HHAT: variants seen among roughly 807,000 people sequenced by gnomAD.
HHAT encodes the protein hedgehog acyltransferase, also known as protein-cysteine N-palmitoyltransferase HHAT.
A neutral mutation model predicts 70.8 loss-of-function variants in HHAT; 47 were observed. That is an observed-to-expected ratio of 0.66 (90% CI 0.53 to 0.85). The LOEUF (loss-of-function observed/expected upper bound fraction) is 0.85. Among genes scored for constraint, HHAT ranks in the 40% least tolerant of loss-of-function variants. The probability of loss-of-function intolerance (pLI) is 0.00; values close to 1 mark genes in which losing one functional copy is unlikely to be tolerated. For synonymous variants in HHAT, 228 were observed against 247.6 expected (o/e 0.92, Z 0.74); for missense variants, 609 against 604.8 (o/e 1.01, Z -0.07).
At chr1:210,370,404 A>T (rs1366811663) in intron 3 of HHAT, among the ~76,000 whole-genome samples, 1 of 151,494 alleles carries the variant, frequency 6.6e-6, no homozygotes, top group Non-Finnish European at 1.5e-5. Flanking sequence ...TGAACTCCTG[A>T]CCTCATGATC....
At chr1:210,542,521 G>A (rs1454468553) in intron 9 of HHAT, among the ~76,000 whole-genome samples, 1 of 151,334 alleles carries the variant, frequency 6.6e-6, no homozygotes, top group Non-Finnish European at 1.5e-5. Flanking sequence ...ATATTGGTTG[G>A]ATGCAGTGGC....
At chr1:210,632,835 T>A (rs1447552055) in intron 11 of HHAT, among the ~76,000 whole-genome samples, 1 of 152,130 alleles carries the variant, frequency 6.6e-6, no homozygotes, top group African/African-American at 2.4e-5. Flanking sequence ...AAGGGGAACT[T>A]TGAATACTGA....
At chr1:210,663,687 A>G (rs1450997162) in intron 11 of HHAT, among the ~76,000 whole-genome samples, 3 of 152,182 alleles carry the variant, frequency 2.0e-5, no homozygotes, top group Admixed American at 2.0e-4. Context: ...CTACAACAGT[A>G]GTTCCCAAAG....
At chr1:210,571,627 C>T (rs899366429) in intron 9 of HHAT, among the ~76,000 whole-genome samples, 1 of 152,158 alleles carries the variant, frequency 6.6e-6, no homozygotes, top group African/African-American at 2.4e-5. Flanking sequence ...CTCTTCGAGC[C>T]GTGAAACTTC....
At position 210,350,905 on chromosome 1, in the gene HHAT, A is replaced by T. The variant is rs2086960336; in HGVS notation, c.91+1839A>T. 2.0e-5 allele frequency among the ~76,000 whole-genome samples: 3 copies of T among 152,084 alleles called. 1 individual carries two copies. The highest frequency in any genetic ancestry group is 1.3e-4 in the Admixed American group (2 of 15,268). ...TGTGGGTTTTTTATGGATGCTTTTT[A>T]TCTAGTTAAGGAAGTTCCCCTCTAT... On this transcript the variant is annotated intron_variant, in intron 2 of 11. Coordinates refer to ENST00000261458, the MANE Select transcript of HHAT (RefSeq NM_018194.6).
intron 4 of HHAT, 95 bp downstream of exon 4, chr1:210,387,676 A>G: frequency 1.2e-6 from 1 of 844,602 alleles, no homozygotes; most frequent in Non-Finnish European, 1.9e-6. Flanking sequence ...CTTGGATATT[A>G]GCACTGGGAG....
chr1:210,619,073 G>C (rs1668316876), intron 10 of HHAT, among the ~76,000 whole-genome samples: 1 of 152,176 alleles, frequency 6.6e-6, no homozygotes, highest in Admixed American at 6.5e-5. Context: ...AGGAATTGGA[G>C]GTCTGCCCTA....
Position 210,592,118 on chromosome 1 carries a change from C to T in HHAT, c.1245+4019C>T, listed in dbSNP as rs546887473. ...AGAATTATTTGCTAACTCCAGTGTCCTGGCAAGTTTCTCCAGTGTTTTCTT... is the reference window on the plus strand; with the variant it reads ...AGAATTATTTGCTAACTCCAGTGTCTTGGCAAGTTTCTCCAGTGTTTTCTT... On this transcript the variant is annotated intron_variant, in intron 10 of 11. Transcript: ENST00000261458. Among the ~76,000 whole-genome samples, 11 of 152,178 alleles carry T rather than the reference C, an allele frequency of 7.2e-5. No homozygotes were observed. The South Asian group carries it at 2.3e-3, about 32-fold the overall frequency.
intron 8 of HHAT, among the ~76,000 whole-genome samples, chr1:210,498,796 G>A (rs1027124962): frequency 2.1e-5 from 3 of 145,916 alleles, no homozygotes; most frequent in African/African-American, 5.1e-5. Context: ...TTTTGAGACG[G>A]AGTCTCGCTC....
intron 5 of HHAT, 33 bp from the exon 6 acceptor site, chr1:210,404,431 C>T (rs772378252): frequency 2.6e-6 from 4 of 1,551,746 alleles, no homozygotes; most frequent in Non-Finnish European, 3.6e-6. Context: ...CTGCTGGCCA[C>T]TCAAAGGTTG....
At position 210,340,746 on chromosome 1, in the gene HHAT, C is replaced by T. The variant is rs555633732; in HGVS notation, c.-43-8187C>T. On this transcript the variant is annotated intron_variant, in intron 1 of 11. Transcript: ENST00000261458. ...AGAGAGTGTCTAACGTTATGCATAA[C>T]GTTTAAAAATTCTATTACATTTAGA... 5.3e-5 allele frequency among the ~76,000 whole-genome samples: 8 copies of T among 152,162 alleles called. No homozygotes were observed. In the South Asian group the frequency reaches 6.2e-4, roughly 12 times the overall value.
At chr1:210,405,397 A>G (rs1271307429) in intron 6 of HHAT, among the ~76,000 whole-genome samples, 1 of 152,248 alleles carries the variant, frequency 6.6e-6, no homozygotes, top group African/African-American at 2.4e-5. Context: ...AAGTTAATTC[A>G]CCTAAGGAAT....
At chr1:210,507,359 CTTT>C (rs927392992) in intron 8 of HHAT, among the ~76,000 whole-genome samples, 4 of 122,534 alleles carry the variant, frequency 3.3e-5, no homozygotes, top group South Asian at 2.8e-4. Flanking sequence ...TTTCTTTTTT[CTTT>C]TTTTTTTTTT....
At chr1:210,654,706 A>T (rs1462158542) in intron 11 of HHAT, among the ~76,000 whole-genome samples, 2 of 152,230 alleles carry the variant, frequency 1.3e-5, no homozygotes, top group African/African-American at 4.8e-5. Flanking sequence ...TCCCAGCCAA[A>T]TGGCAAGAAC....
At chr1:210,536,855 G>A (rs1245487525) in intron 9 of HHAT, among the ~76,000 whole-genome samples, 1 of 147,908 alleles carries the variant, frequency 6.8e-6, no homozygotes, top group Non-Finnish European at 1.5e-5. Flanking sequence ...ACAGCGTCTC[G>A]GGCCTCTGTC....
intron 8 of HHAT, among the ~76,000 whole-genome samples, chr1:210,487,773 A>G (rs2094494851): frequency 6.6e-6 from 1 of 152,222 alleles, no homozygotes. Flanking sequence ...GGAAATTTAC[A>G]TTTATGAAGG....
chr1:210,548,636 A>T (rs1237984952), intron 9 of HHAT, among the ~76,000 whole-genome samples: 1 of 152,182 alleles, frequency 6.6e-6, no homozygotes, highest in Admixed American at 6.5e-5. Context: ...CAGGCTAGTT[A>T]CCTAATTATT....
intron 3 of HHAT, among the ~76,000 whole-genome samples, chr1:210,364,556 G>A (rs917971620): frequency 4.6e-5 from 7 of 152,256 alleles, no homozygotes; most frequent in African/African-American, 1.4e-4. Flanking sequence ...GTGAGGCAGC[G>A]TGAGAAAGTG....
At chr1:210,547,739 T>G (rs1260463366) in intron 9 of HHAT, among the ~76,000 whole-genome samples, 4 of 152,156 alleles carry the variant, frequency 2.6e-5, no homozygotes, top group Non-Finnish European at 5.9e-5. Context: ...CTTCCGAGTT[T>G]CCCTCCGCAT....
Sources: allele counts gnomAD v4.1 joint callset (sites outside exome capture counted in the v4.1 genomes callset), GRCh38; gene constraint gnomAD v4.1.1; transcripts MANE v1.5; gene names NCBI Gene and HGNC (gene_info 2026-07-23, HGNC 2026-07-21).